Variants in COMMD1 observed in about 807,000 individuals in gnomAD.
COMMD1 encodes the protein copper metabolism domain containing 1.
Under a neutral mutation model 17.2 loss-of-function variants are expected in COMMD1, and 10 were observed. The observed-to-expected ratio is 0.58, with a 90% CI of 0.36 to 0.99. The LOEUF (loss-of-function observed/expected upper bound fraction) is 0.99, where lower values mean the gene tolerates loss of function less well. COMMD1 is among the 50% of genes least tolerant of loss of function. The pLI is 0.01. For missense variants in COMMD1, 270 were observed against 231.8 expected, an observed-to-expected ratio of 1.17 and a Z score of -1.07; for synonymous variants, 97 against 91.6, an observed-to-expected ratio of 1.06 and a Z score of -0.34.
Position 61,963,720 on chromosome 2 carries a change from T to C in COMMD1, c.181-36981T>C, listed in dbSNP as rs187073570. The stretch of plus-strand genomic sequence containing the variant: ...TAGTGTCAGAAATGGTATCCTCTTT[T>C]AGAAGGATAGTACCCTTAACTTGTA... On this transcript the variant is annotated intron_variant, in intron 1 of 2. Coordinates refer to ENST00000311832, the MANE Select transcript of COMMD1 (RefSeq NM_152516.4). Among the ~76,000 whole-genome samples, 398 of 152,278 alleles carry C rather than the reference T, an allele frequency of 2.6e-3. 1 individual carries two copies. Among genetic ancestry groups the C allele is most frequent in the African/African-American group, 8.4e-3 (350 of 41,562 alleles).
intron 1 of COMMD1, among the ~76,000 whole-genome samples, chr2:61,922,780 A>G (rs1670231907): frequency 6.6e-6 from 1 of 152,256 alleles, no homozygotes; most frequent in Non-Finnish European, 1.5e-5. Context: ...TTCTGGCCAA[A>G]GATTGTATAT....
intron 2 of COMMD1, 28 bp from the exon 3 acceptor site, chr2:62,135,803 C>T (rs1673177233): frequency 8.5e-7 from 1 of 1,176,068 alleles, no homozygotes; most frequent in African/African-American, 1.5e-5. Context: ...TGTGGTTTCC[C>T]TCTAAAATAT....
intron 1 of COMMD1, among the ~76,000 whole-genome samples, chr2:61,920,962 T>G (rs1670174856): frequency 2.1e-5 from 1 of 47,984 alleles, no homozygotes; most frequent in Admixed American, 2.7e-4. Context: ...TATATATATG[T>G]GTGTATATAT....
At chr2:62,039,668 C>CAT (rs1330070374) in intron 2 of COMMD1, among the ~76,000 whole-genome samples, 3 of 152,182 alleles carry the variant, frequency 2.0e-5, no homozygotes, top group Non-Finnish European at 4.4e-5. Context: ...GACGAAGGAA[C>CAT]ATATATATCT....
chr2:62,067,471 G>C (rs926638946), intron 2 of COMMD1, among the ~76,000 whole-genome samples: 1 of 152,042 alleles, frequency 6.6e-6, no homozygotes, highest in Non-Finnish European at 1.5e-5. Flanking sequence ...AAGTTAAAGG[G>C]GAGAAAAAAG....
At chr2:62,076,343 G>A (rs1573153172) in intron 2 of COMMD1, among the ~76,000 whole-genome samples, 1 of 152,260 alleles carries the variant, frequency 6.6e-6, no homozygotes, top group Non-Finnish European at 1.5e-5. Context: ...AAGAGGTGGT[G>A]AGGTTGGCAT....
At chr2:62,099,988 T>C (rs1672130590) in intron 2 of COMMD1, among the ~76,000 whole-genome samples, 1 of 151,968 alleles carries the variant, frequency 6.6e-6, no homozygotes, top group South Asian at 2.1e-4. Flanking sequence ...TCACGCAAAG[T>C]GCACACAGAC....
At chr2:62,124,307 A>G (rs1672834093) in intron 2 of COMMD1, among the ~76,000 whole-genome samples, 2 of 152,126 alleles carry the variant, frequency 1.3e-5, no homozygotes, top group African/African-American at 4.8e-5. Context: ...TCAGTAAATA[A>G]ATAAATAAAT....
intron 2 of COMMD1, among the ~76,000 whole-genome samples, chr2:62,011,833 AT>A (rs1382953942): frequency 6.6e-6 from 1 of 152,312 alleles, no homozygotes. Flanking sequence ...TTTACATATG[AT>A]TTTTCCAACA....
At chr2:61,926,172 T>C (rs2105201105) in intron 1 of COMMD1, among the ~76,000 whole-genome samples, 1 of 152,158 alleles carries the variant, frequency 6.6e-6, no homozygotes, top group South Asian at 2.1e-4. Flanking sequence ...GGGGTTTCAC[T>C]GTGTTAGCCA....
intron 1 of COMMD1, among the ~76,000 whole-genome samples, chr2:61,910,889 G>C (rs1326376941): frequency 1.3e-5 from 2 of 151,466 alleles, no homozygotes; most frequent in Admixed American, 1.3e-4. Context: ...TTCAAGATCA[G>C]CCTGACCAAC....
At position 62,000,879 on chromosome 2, in the gene COMMD1, G is replaced by C. The variant is rs771031012; in HGVS notation, c.359G>C (p.Arg120Pro). 10 of 1,614,012 alleles carry C rather than the reference G, an allele frequency of 6.2e-6. No homozygotes were observed. Among genetic ancestry groups the C allele is most frequent in the South Asian group, 1.1e-5 (1 of 91,088 alleles). ...MNQSRWNSGL[R>P]GLSWRVDGKS... ...CAGAGCCGCTGGAATAGCGGGCTTC[G>C]GGGCCTGAGCTGGAGAGTTGATGGC... is the stretch of plus-strand genomic sequence containing the variant. Residue 120 changes from arginine (R) to proline (P), a missense_variant, in exon 2 of 3, where the codon CGG (arginine) becomes CCG (proline). Coordinates refer to ENST00000311832, the MANE Select transcript of COMMD1 (RefSeq NM_152516.4).
chr2:62,059,593 A>G (rs1670800576), intron 2 of COMMD1, among the ~76,000 whole-genome samples: 1 of 152,174 alleles, frequency 6.6e-6, no homozygotes, highest in Non-Finnish European at 1.5e-5. Flanking sequence ...AAAGGAGCTA[A>G]GTTGCCTGGC....
intron 2 of COMMD1, among the ~76,000 whole-genome samples, chr2:62,010,296 T>C (rs1315174392): frequency 6.6e-6 from 1 of 152,134 alleles, no homozygotes; most frequent in East Asian, 1.9e-4. Context: ...GCCTTCTAGC[T>C]CTTTTTTTTT....
chr2:61,890,311 C>T (rs1448648754), intron 1 of COMMD1, among the ~76,000 whole-genome samples: 2 of 152,150 alleles, frequency 1.3e-5, no homozygotes. Flanking sequence ...CCTCCGCCTC[C>T]CGGGTTCAAG....
intron 1 of COMMD1, among the ~76,000 whole-genome samples, chr2:61,988,762 A>C (rs1225871284): frequency 6.6e-6 from 1 of 152,074 alleles, no homozygotes; most frequent in Non-Finnish European, 1.5e-5. Context: ...TGTGGCCTAG[A>C]GTGCCTTTTG....
At chr2:62,073,063 C>A (rs569457221) in intron 2 of COMMD1, among the ~76,000 whole-genome samples, 38 of 152,356 alleles carry the variant, frequency 2.5e-4, no homozygotes, top group Non-Finnish European at 5.0e-4. Flanking sequence ...AATTCTGTGT[C>A]ACTGCCCTGT....
chr2:61,966,489 T>C lies in COMMD1; in HGVS notation c.181-34212T>C, dbSNP rs547130263. On this transcript the variant is annotated intron_variant, in intron 1 of 2. Coordinates refer to ENST00000311832, the MANE Select transcript of COMMD1 (RefSeq NM_152516.4). ...CTAGTTGGTTGTATATTAAATCTAA[T>C]AATAGGAAATATGAATTTGCCTTTA... Among the ~76,000 whole-genome samples, 76 of 152,334 alleles carry C rather than the reference T, an allele frequency of 5.0e-4. 2 individuals are homozygous for C. In the South Asian group the frequency reaches 0.015, roughly 30 times the overall value.
chr2:61,981,316 T>G (rs940944838), intron 1 of COMMD1, among the ~76,000 whole-genome samples: 11 of 152,238 alleles, frequency 7.2e-5, no homozygotes, highest in Non-Finnish European at 1.5e-4. Flanking sequence ...CATTTTGATT[T>G]GATTTTTGTA....
Sources: allele counts gnomAD v4.1 joint callset (sites outside exome capture counted in the v4.1 genomes callset), GRCh38; gene constraint gnomAD v4.1.1; transcripts MANE v1.5; gene names NCBI Gene and HGNC (gene_info 2026-07-23, HGNC 2026-07-21).